Variants in GABRG3 observed in about 807,000 individuals in gnomAD.
GABRG3 encodes the protein gamma-aminobutyric acid type A receptor subunit gamma3.
In GABRG3, 25 loss-of-function variants were observed where a neutral mutation model predicts 48.8. That is an observed-to-expected ratio of 0.51 (90% CI 0.37 to 0.72). The LOEUF is 0.72. Ranked by LOEUF, GABRG3 falls within the 30% of genes least tolerant of loss-of-function variation. GABRG3 has a pLI of 0.00. For missense variants in GABRG3, 394 were observed against 577.9 expected (o/e 0.68, Z 3.26); for synonymous variants, 227 against 217.6 (o/e 1.04, Z -0.38).
rs1055154440 is a variant in GABRG3 at position 27,179,237 on chromosome 15, G to A, written c.271-147572G>A. On this transcript the variant is annotated intron_variant, in intron 3 of 9. Coordinates refer to ENST00000615808, the MANE Select transcript of GABRG3 (RefSeq NM_033223.5). The surrounding 1 kb of genome is among the most constrained non-coding windows in gnomAD (Gnocchi z 4.0). ...TTACTCCTATCATCAATGCATTGCC[G>A]TGATTTGCCATTTCAAACATGCCCC... is the stretch of plus-strand genomic sequence containing the variant. 2.0e-5 allele frequency among the ~76,000 whole-genome samples: 3 copies of A among 152,134 alleles called. No homozygotes were observed. The highest frequency in any genetic ancestry group is 4.4e-5 in the Non-Finnish European group (3 of 68,028).
intron 3 of GABRG3, among the ~76,000 whole-genome samples, chr15:27,229,633 C>T (rs1209981544): frequency 3.3e-5 from 5 of 152,040 alleles, no homozygotes; most frequent in South Asian, 2.1e-4. Flanking sequence ...TGCACCACCA[C>T]GCCCGGCTAA....
intron 2 of GABRG3, among the ~76,000 whole-genome samples, chr15:27,002,761 A>AAAAAAGG (rs1555397361): frequency 5.8e-4 from 24 of 41,428 alleles, no homozygotes; most frequent in African/African-American, 2.2e-3. Flanking sequence ...AAAAAAAAAA[A>AAAAAAGG]AAGGAAGGAA....
At chr15:27,309,029 A>T (rs1892890551) in intron 3 of GABRG3, among the ~76,000 whole-genome samples, 1 of 149,942 alleles carries the variant, frequency 6.7e-6, no homozygotes, top group African/African-American at 2.5e-5. Flanking sequence ...ATATAGAAAC[A>T]TAATGTAAAC....
At chr15:27,214,009 C>G (rs972962033) in intron 3 of GABRG3, among the ~76,000 whole-genome samples, 2 of 152,150 alleles carry the variant, frequency 1.3e-5, no homozygotes, top group African/African-American at 4.8e-5. Flanking sequence ...TGAAGTAGAG[C>G]AGTATTTTTT....
chr15:27,378,620 CT>C (rs1196785459), intron 5 of GABRG3, among the ~76,000 whole-genome samples: 1 of 152,072 alleles, frequency 6.6e-6, no homozygotes, highest in Admixed American at 6.6e-5. Context: ...AGGCTCAAGT[CT>C]GGTTATTTCT....
chr15:27,494,728 T>G (rs191369708), intron 6 of GABRG3, among the ~76,000 whole-genome samples: 76 of 152,222 alleles, frequency 5.0e-4, no homozygotes, highest in African/African-American at 1.2e-3. Context: ...ATTATCTTTT[T>G]GGGGGGGCCG....
intron 3 of GABRG3, among the ~76,000 whole-genome samples, chr15:27,204,629 C>T (rs1483655953): frequency 1.3e-5 from 2 of 152,038 alleles, no homozygotes; most frequent in Non-Finnish European, 2.9e-5. Flanking sequence ...TTGCTTTGGG[C>T]AGTATAGCCA....
intron 2 of GABRG3, among the ~76,000 whole-genome samples, chr15:26,995,817 A>G (rs1268539835): frequency 2.0e-5 from 3 of 152,014 alleles, no homozygotes; most frequent in East Asian, 3.8e-4. Flanking sequence ...TATATTACAA[A>G]CCTAAAAATT....
At chr15:26,980,620 A>AGTGAG (rs1373043749) in intron 2 of GABRG3, among the ~76,000 whole-genome samples, 1 of 149,754 alleles carries the variant, frequency 6.7e-6, no homozygotes, top group Non-Finnish European at 1.5e-5. Flanking sequence ...CAGATGTTGC[A>AGTGAG]GTGAGCTGAG....
chr15:27,258,024 A>T (rs1004306212), intron 3 of GABRG3, among the ~76,000 whole-genome samples: 11 of 152,190 alleles, frequency 7.2e-5, no homozygotes, highest in Admixed American at 2.6e-4. Context: ...TTATATTTAA[A>T]GAACAATCAA....
At chr15:27,004,357 G>A (rs1423897722) in intron 2 of GABRG3, among the ~76,000 whole-genome samples, 18 of 151,308 alleles carry the variant, frequency 1.2e-4, no homozygotes, top group African/African-American at 3.9e-4. Flanking sequence ...ATGGGCGGCC[G>A]GGCAGAGACG....
chr15:27,151,869 A>T (rs1898322246), intron 3 of GABRG3, among the ~76,000 whole-genome samples: 1 of 152,176 alleles, frequency 6.6e-6, no homozygotes, highest in Admixed American at 6.5e-5. Flanking sequence ...CCTTCTGTTG[A>T]GTTCTGAGAA....
chr15:27,337,852 A>G (rs1894028349), intron 5 of GABRG3, among the ~76,000 whole-genome samples: 1 of 152,168 alleles, frequency 6.6e-6, no homozygotes, highest in Admixed American at 6.5e-5. Context: ...TCACACACAC[A>G]AATAAGCCTT....
intron 3 of GABRG3, among the ~76,000 whole-genome samples, chr15:27,102,228 C>CT (rs1897373819): frequency 6.6e-6 from 1 of 152,160 alleles, no homozygotes; most frequent in South Asian, 2.1e-4. Context: ...TCATTTCAGT[C>CT]TTAAGAACAT....
intron 3 of GABRG3, among the ~76,000 whole-genome samples, chr15:27,200,423 G>A (rs915120615): frequency 4.6e-5 from 7 of 152,130 alleles, no homozygotes; most frequent in Non-Finnish European, 1.0e-4. Context: ...AACCTCATCT[G>A]TGTGTTTCCT....
chr15:27,281,016 A>G (rs1891415537), intron 3 of GABRG3, among the ~76,000 whole-genome samples: 2 of 152,142 alleles, frequency 1.3e-5, no homozygotes, highest in African/African-American at 4.8e-5. Context: ...GTTTATGTAT[A>G]TACCTTAAGA....
chr15:27,461,306 T>A (rs1889440473), intron 5 of GABRG3, among the ~76,000 whole-genome samples: 2 of 152,216 alleles, frequency 1.3e-5, no homozygotes, highest in Admixed American at 6.5e-5. Flanking sequence ...GCACTGTATT[T>A]CTGTCATGCA....
At chr15:27,119,475 A>G (rs1893946037) in intron 3 of GABRG3, among the ~76,000 whole-genome samples, 1 of 152,186 alleles carries the variant, frequency 6.6e-6, no homozygotes, top group Non-Finnish European at 1.5e-5. Flanking sequence ...TTGCATGATG[A>G]TAGTTATCTA....
At chr15:27,132,111 T>G (rs1897925802) in intron 3 of GABRG3, among the ~76,000 whole-genome samples, 2 of 152,128 alleles carry the variant, frequency 1.3e-5, no homozygotes, top group Admixed American at 1.3e-4. Context: ...TTGTTTCCTT[T>G]GTTGTACAGA....
Sources: gnomAD v4.1 joint callset for allele counts (sites outside exome capture counted in the v4.1 genomes callset) on GRCh38, gnomAD v4.1.1 for gene constraint, Gnocchi (gnomAD v3.1) non-coding constraint, MANE v1.5 for transcripts, NCBI Gene and HGNC (gene_info 2026-07-23, HGNC 2026-07-21) for gene names.